SLC12A3: variants seen among roughly 807,000 people sequenced by gnomAD.
The protein encoded by SLC12A3 is solute carrier family 12 member 3.
SLC12A3 carries 104 observed loss-of-function variants against 121.0 expected under a neutral mutation model. That is an observed-to-expected ratio of 0.86 (90% CI 0.73 to 1.01). SLC12A3 has a LOEUF of 1.01. SLC12A3 is among the 50% of genes least tolerant of loss of function. The probability of loss-of-function intolerance (pLI) is 0.00; values close to 1 mark genes in which losing one functional copy is unlikely to be tolerated. For missense variants in SLC12A3, 1,328 were observed against 1,356.3 expected (o/e 0.98, Z 0.33); for synonymous variants, 536 against 533.4 (o/e 1.00, Z -0.07).
intron 20 of SLC12A3, 79 bp downstream of exon 20, chr16:56,892,212 G>T: frequency 7.4e-7 from 1 of 1,356,686 alleles, no homozygotes; most frequent in Non-Finnish European, 1.1e-6. Context: ...GGGGTGGCTA[G>T]GGGTGGGCCA....
chr16:56,904,307 T>A (rs2055577781), intron 24 of SLC12A3, 88 bp from the exon 25 acceptor site: 2 of 1,206,988 alleles, frequency 1.7e-6, no homozygotes, highest in Non-Finnish European at 1.2e-6. Flanking sequence ...TGAATCCAGT[T>A]GAAAATGTTA....
chr16:56,899,661 G>A (rs2055512158), intron 23 of SLC12A3, 45 bp downstream of exon 23: 1 of 1,374,130 alleles, frequency 7.3e-7, no homozygotes. Context: ...CCAACTGTGT[G>A]CCTGGAGACC....
intron 9 of SLC12A3, 112 bp downstream of exon 9, chr16:56,878,273 C>A: frequency 1.2e-6 from 1 of 814,326 alleles, no homozygotes; most frequent in Non-Finnish European, 2.1e-6. Context: ...GACTCTCTAA[C>A]AACAGGGAGA....
chr16:56,912,539 A>T (rs2055699961), intron 25 of SLC12A3, among the ~76,000 whole-genome samples: 1 of 152,226 alleles, frequency 6.6e-6, no homozygotes, highest in African/African-American at 2.4e-5. Context: ...AGGCTGGCAC[A>T]GGGCTGGAGA....
intron 14 of SLC12A3, among the ~76,000 whole-genome samples, chr16:56,884,784 G>A (rs1325282501): frequency 6.6e-6 from 1 of 152,026 alleles, no homozygotes; most frequent in Non-Finnish European, 1.5e-5. Context: ...GGGGGGACTG[G>A]GGTGCAGTGT....
At chr16:56,869,335 A>AT (rs547766138) in intron 3 of SLC12A3, among the ~76,000 whole-genome samples, 9 of 149,620 alleles carry the variant, frequency 6.0e-5, no homozygotes, top group Admixed American at 6.7e-5. Context: ...ACAGAGACCC[A>AT]TTTTTTTTTT....
intron 6 of SLC12A3, 24 bp downstream of exon 6, chr16:56,870,760 G>C (rs565611713): frequency 4.1e-6 from 6 of 1,458,292 alleles, no homozygotes; most frequent in Non-Finnish European, 5.8e-6. Flanking sequence ...GGAGGAGGGG[G>C]ACATGGAGGT....
intron 17 of SLC12A3, among the ~76,000 whole-genome samples, chr16:56,887,477 G>A (rs1201098778): frequency 6.6e-5 from 10 of 151,680 alleles, no homozygotes; most frequent in African/African-American, 2.4e-4. Context: ...AGAGTGCTCG[G>A]TTTACAGGCA....
At position 56,870,175 on chromosome 16, in the gene SLC12A3, T is replaced by G. The variant is rs761240890; in HGVS notation, c.681T>G (p.Asn227Lys). Residue 227 changes from asparagine (N) to lysine (K), a missense_variant, in exon 5 of 26, where the codon AAT (asparagine) becomes AAG (lysine). Physicochemically the swap from Asn to Lys is moderately conservative, Grantham distance 94. Transcript: ENST00000563236. ...GSIGLIFAFANAVGVAMHTVG... is the reference protein window; with the variant it reads ...GSIGLIFAFAKAVGVAMHTVG... ...TCGGCCTCATTTTCGCTTTCGCCAA[T>G]GCCGTGGGTGTGGCCATGCACACGG... The G allele has an allele frequency of 6.2e-7, 1 of 1,614,098 alleles. No homozygotes were observed. Among genetic ancestry groups the G allele is most frequent in the Non-Finnish European group, 8.5e-7 (1 of 1,180,034 alleles).
chr16:56,906,601 T>C (rs3794650), intron 25 of SLC12A3: 34,534 of 333,736 alleles, frequency 0.1, 2,155 homozygotes, highest in Middle Eastern at 0.14. Context: ...AGGAAACAAA[T>C]GGTCGTCTAT....
intron 21 of SLC12A3, 37 bp downstream of exon 21, chr16:56,893,091 G>A (rs760946027): frequency 7.1e-6 from 11 of 1,550,590 alleles, no homozygotes; most frequent in East Asian, 2.3e-5. Flanking sequence ...CCTGCCCGGC[G>A]GGGGCGGGGT....
At position 56,879,743 on chromosome 16, in the gene SLC12A3, C is replaced by T. The variant is rs1419833268; in HGVS notation, c.1443+94C>T. On this transcript the variant is annotated intron_variant, in intron 11 of 25. Transcript: ENST00000563236. ...GTCCCTGGGTGACTGCTACAAACAC[C>T]TGAAGGTGTCATTAGACTGGGGTCT... 7 of 888,150 alleles carry T rather than the reference C, an allele frequency of 7.9e-6. No homozygotes were observed. The East Asian group carries it at 1.5e-4, about 19-fold the overall frequency. 55.0% of individuals were successfully genotyped at this position (888,150 alleles called of 1,614,324 possible). A position where few individuals can be genotyped will look rare whatever the true frequency, so the allele number is the denominator to read the frequency against.
chr16:56,880,529 T>C (rs1406747036), intron 12 of SLC12A3, among the ~76,000 whole-genome samples: 1 of 152,118 alleles, frequency 6.6e-6, no homozygotes, highest in African/African-American at 2.4e-5. Context: ...AACTTACCTG[T>C]TCCCCCGGTC....
At chr16:56,876,527 G>A (rs1410496777) in intron 8 of SLC12A3, among the ~76,000 whole-genome samples, 1 of 152,194 alleles carries the variant, frequency 6.6e-6, no homozygotes, top group Non-Finnish European at 1.5e-5. Context: ...CTGGGAGACC[G>A]AGGCAGGGAG....
rs948199149 is a variant in SLC12A3, at chr16:56,897,642, C to T, written c.2634-1888C>T. ...GTAAATAAGATACGAGATTGCTCTG[C>T]AGTCTCTGCTCCCTGTCCTGGCTCT... On this transcript the variant is annotated intron_variant, in intron 22 of 25. Transcript: ENST00000563236. Among the ~76,000 whole-genome samples, 6 of 152,330 alleles carry T rather than the reference C, an allele frequency of 3.9e-5. No individual in the cohort carries two copies. The East Asian group carries it at 1.2e-3, about 29-fold the overall frequency.
At chr16:56,912,974 A>G (rs921952489) in intron 25 of SLC12A3, among the ~76,000 whole-genome samples, 10 of 152,142 alleles carry the variant, frequency 6.6e-5, no homozygotes, top group African/African-American at 2.4e-4. Flanking sequence ...AGAAAGCCAC[A>G]GGGCATCGGG....
intron 12 of SLC12A3, among the ~76,000 whole-genome samples, chr16:56,881,443 C>CT (rs72575255): frequency 2.1e-5 from 3 of 144,912 alleles, no homozygotes; most frequent in Admixed American, 1.5e-4. Context: ...GTCCTTTCAT[C>CT]TGGGGGGGGG....
At chr16:56,912,781 T>A (rs2055702882) in intron 25 of SLC12A3, among the ~76,000 whole-genome samples, 1 of 151,974 alleles carries the variant, frequency 6.6e-6, no homozygotes, top group South Asian at 2.1e-4. Context: ...TGGGGTGATG[T>A]GAGGAAGAGG....
chr16:56,881,996 C>T (rs2055246359), intron 12 of SLC12A3, among the ~76,000 whole-genome samples: 1 of 151,366 alleles, frequency 6.6e-6, no homozygotes, highest in Admixed American at 6.6e-5. Flanking sequence ...TTGCAGTGAG[C>T]CGAGATCACG....
Sources: gnomAD v4.1 joint callset for allele counts (sites outside exome capture counted in the v4.1 genomes callset) on GRCh38, gnomAD v4.1.1 for gene constraint, MANE v1.5 for transcripts, NCBI Gene and HGNC (gene_info 2026-07-23, HGNC 2026-07-21) for gene names.